SAFB: variants seen among roughly 807,000 people sequenced by gnomAD.
SAFB encodes scaffold attachment factor B1.
SAFB carries 15 observed loss-of-function variants against 101.6 expected under a neutral mutation model. The observed-to-expected ratio is 0.15, with a 90% CI of 0.10 to 0.23. SAFB has a LOEUF of 0.23. SAFB is among the 10% of genes least tolerant of loss of function. The probability of loss-of-function intolerance (pLI) is 1.00; values close to 1 mark genes in which losing one functional copy is unlikely to be tolerated. For missense variants in SAFB, 930 were observed against 1,104.1 expected (o/e 0.84, Z 2.23); for synonymous variants, 449 against 407.5 (o/e 1.10, Z -1.23).
intron 2 of SAFB, among the ~76,000 whole-genome samples, chr19:5,628,922 G>C (rs945430736): frequency 6.6e-6 from 1 of 152,090 alleles, no homozygotes; most frequent in African/African-American, 2.4e-5. Flanking sequence ...TGTACTACAG[G>C]CTTTTGTTGC....
intron 16 of SAFB, 111 bp from the exon 17 acceptor site, chr19:5,664,286 T>C: frequency 7.0e-7 from 1 of 1,421,024 alleles, no homozygotes; most frequent in Non-Finnish European, 9.9e-7. Context: ...GACCCGCAGG[T>C]CTCCTGCCTT....
intron 4 of SAFB, among the ~76,000 whole-genome samples, 174 bp from the exon 5 acceptor site, chr19:5,645,163 C>CT (rs1305114090): frequency 1.3e-5 from 2 of 152,204 alleles, no homozygotes; most frequent in Admixed American, 6.5e-5. Context: ...TTACATACAA[C>CT]TTTTTTTTCA....
intron 9 of SAFB, among the ~76,000 whole-genome samples, chr19:5,652,336 T>G (rs2053957557): frequency 6.6e-6 from 1 of 152,196 alleles, no homozygotes; most frequent in South Asian, 2.1e-4. Flanking sequence ...CCTGACTCCA[T>G]GGCGTCCCCC....
chr19:5,662,731 C>T (rs959968916), intron 15 of SAFB, among the ~76,000 whole-genome samples: 1 of 150,952 alleles, frequency 6.6e-6, no homozygotes, highest in Non-Finnish European at 1.5e-5. Flanking sequence ...ACCTCCACCT[C>T]CTGGGTTCAA....
rs1454127456 is a variant in SAFB at position 5,661,543 on chromosome 19, G to A, written c.1888G>A (p.Glu630Lys). 8 of 1,612,958 alleles carry A rather than the reference G, an allele frequency of 5.0e-6. No homozygotes were observed. Among genetic ancestry groups the A allele is most frequent in the Non-Finnish European group, 5.9e-6 (7 of 1,179,868 alleles). Residue 630 changes from glutamate to lysine, a missense_variant, in exon 15 of 21, where the codon GAA (glutamate) becomes AAA (lysine). This residue lies in a region of SAFB where 159 missense variants were observed against 234.1 expected (regional missense o/e 0.68). Coordinates refer to ENST00000588852, the MANE Select transcript of SAFB (RefSeq NM_001201338.2). Reference sequence around the variant, plus strand: ...CAGGGTGCGTGAACGCAGTGAACGCGAACAACGCATGCAGGCGCAGTGGGA... The same window carrying A: ...CAGGGTGCGTGAACGCAGTGAACGCAAACAACGCATGCAGGCGCAGTGGGA... Reference protein sequence around the residue: ...HSRVRERSEREQRMQAQWERE... With the variant: ...HSRVRERSERKQRMQAQWERE...
chr19:5,636,198 A>G (rs1458518645), intron 2 of SAFB, among the ~76,000 whole-genome samples: 3 of 152,046 alleles, frequency 2.0e-5, no homozygotes, highest in African/African-American at 7.2e-5. Context: ...ATGAAAATCT[A>G]GTACCCCTCC....
rs1255634769 is a variant in SAFB at position 5,667,795 on chromosome 19, G to T, written c.2558-25G>T. ...TCCACGCCGTGTGCGCAAGTTCCCT[G>T]TGTGAAAGCACGTCTGTCTTCCAGG... On this transcript the variant is annotated intron_variant, in intron 19 of 20. Coordinates refer to ENST00000588852, the MANE Select transcript of SAFB (RefSeq NM_001201338.2). The surrounding 1 kb of genome is among the most constrained non-coding windows in gnomAD (Gnocchi z 4.0). 1.9e-6 allele frequency: 3 copies of T among 1,613,678 alleles called. No individual in the cohort carries two copies. In the East Asian group the frequency reaches 6.7e-5, roughly 36 times the overall value.
At chr19:5,665,061 C>T (rs1389231543) in intron 17 of SAFB, 4 of 152,778 alleles carry the variant, frequency 2.6e-5, no homozygotes, top group African/African-American at 9.7e-5. Flanking sequence ...TGGAAGATGC[C>T]TCCTCTCTGA....
intron 14 of SAFB, among the ~76,000 whole-genome samples, chr19:5,661,005 C>T (rs2054188637): frequency 6.8e-6 from 1 of 148,002 alleles, no homozygotes. Context: ...GCAACCTCTG[C>T]CTCACGGGCT....
intron 14 of SAFB, among the ~76,000 whole-genome samples, chr19:5,659,770 T>C (rs1599378336): frequency 6.8e-6 from 1 of 147,894 alleles, no homozygotes; most frequent in African/African-American, 2.5e-5. Context: ...GCTGGGGGAG[T>C]AATGAACACG....
chr19:5,653,189 A>C lies in SAFB; in HGVS notation c.1368A>C (p.Thr456=), dbSNP rs376063280. 6.2e-7 allele frequency: 1 copy of C among 1,614,178 alleles called. No homozygotes were observed. The highest frequency in any genetic ancestry group is 1.7e-5 in the Admixed American group (1 of 60,024). ...ARCYGFVTMS[T]AEEATKCINH... ...GTTACGGTTTTGTCACGATGTCCAC[A>C]GCAGAAGAGGCCACAAAATGCATTA... The change falls in exon 10 of 21, where the codon ACA becomes ACC. Residue 456 remains threonine (T), a synonymous_variant. Transcript: ENST00000588852.
At chr19:5,663,942 C>T in intron 15 of SAFB, 80 bp from the exon 16 acceptor site, 1 of 1,477,840 alleles carries the variant, frequency 6.8e-7, no homozygotes, top group Non-Finnish European at 9.2e-7. Context: ...CTGTGAAGTG[C>T]TAGGGGCCAG....
intron 9 of SAFB, among the ~76,000 whole-genome samples, chr19:5,651,461 G>A (rs1200913099): frequency 6.6e-6 from 1 of 152,206 alleles, no homozygotes; most frequent in Non-Finnish European, 1.5e-5. Flanking sequence ...TCAGAACAGG[G>A]ACCCTGGAGT....
chr19:5,649,585 T>C (rs1316838429), intron 7 of SAFB, 86 bp downstream of exon 7: 1 of 454,506 alleles, frequency 2.2e-6, no homozygotes, highest in African/African-American at 2.1e-5. Context: ...TTTTCTGCAA[T>C]TGGCCAGCCA....
chr19:5,639,247 A>G (rs575670634), intron 2 of SAFB, among the ~76,000 whole-genome samples: 61 of 152,350 alleles, frequency 4.0e-4, no homozygotes, highest in Admixed American at 4.0e-3. Context: ...AAATAGTCTC[A>G]CTCAACATGA....
intron 15 of SAFB, among the ~76,000 whole-genome samples, chr19:5,662,413 G>T (rs945101542): frequency 6.6e-6 from 1 of 151,654 alleles, no homozygotes; most frequent in Non-Finnish European, 1.5e-5. Flanking sequence ...AAAATCGCGT[G>T]TACCCAGGAG....
intron 2 of SAFB, among the ~76,000 whole-genome samples, chr19:5,628,209 C>A (rs905176796): frequency 3.3e-5 from 5 of 152,090 alleles, no homozygotes; most frequent in African/African-American, 1.2e-4. Context: ...CCAGATCGCA[C>A]CACTGCACTC....
At position 5,664,152 on chromosome 19, in the gene SAFB, G is replaced by A. The variant is rs199578025; in HGVS notation, c.2284G>A (p.Val762Met). Residue 762 changes from valine (V) to methionine (M), a missense_variant, in exon 16 of 21, where the codon GTG (valine) becomes ATG (methionine). Around this residue, in one of 7 missense-constraint regions of SAFB, gnomAD observed 318 missense variants for 342.6 expected, o/e 0.93. Transcript: ENST00000588852. ...RDRGRYPDHS[V>M]DRREGSRSMM... ...CCGCGGCCGCTACCCCGACCACTCG[G>A]TGGACAGGTCAGTTGGGCCCCTGCT... 43 of 1,613,652 alleles carry A rather than the reference G, an allele frequency of 2.7e-5. No individual in the cohort carries two copies. The highest frequency in any genetic ancestry group is 3.1e-5 in the Non-Finnish European group (37 of 1,179,964).
chr19:5,666,975 G>T, intron 17 of SAFB, 71 bp from the exon 18 acceptor site: 1 of 914,606 alleles, frequency 1.1e-6, no homozygotes, highest in South Asian at 1.3e-5. Context: ...TTAGCATGTT[G>T]CCTGAAAAGC....
Sources: allele counts gnomAD v4.1 joint callset (sites outside exome capture counted in the v4.1 genomes callset), GRCh38; gene constraint gnomAD v4.1.1; regional missense constraint gnomAD v4.1.1; non-coding constraint Gnocchi (gnomAD v3.1); transcripts MANE v1.5; gene names NCBI Gene and HGNC (gene_info 2026-07-23, HGNC 2026-07-21).